PPHLN1: variants seen among roughly 807,000 people sequenced by gnomAD.
The protein encoded by PPHLN1 is periphilin-1.
A neutral mutation model predicts 51.3 loss-of-function variants in PPHLN1; 29 were observed. The ratio of observed to expected loss-of-function variants is 0.57; its 90% CI spans 0.42 to 0.77. The LOEUF (loss-of-function observed/expected upper bound fraction) is 0.77, where lower values mean the gene tolerates loss of function less well. PPHLN1 is among the 30% of genes least tolerant of loss of function. The probability of loss-of-function intolerance (pLI) is 0.00; values close to 1 mark genes in which losing one functional copy is unlikely to be tolerated. For missense variants in PPHLN1, 436 were observed against 438.4 expected, an observed-to-expected ratio of 0.99 and a Z score of 0.05; for synonymous variants, 147 against 147.8, an observed-to-expected ratio of 0.99 and a Z score of 0.04.
intron 9 of PPHLN1, among the ~76,000 whole-genome samples, chr12:42,436,489 T>C (rs1399132594): frequency 2.0e-5 from 3 of 152,252 alleles, no homozygotes; most frequent in African/African-American, 7.2e-5. Context: ...GGTTGTCTCA[T>C]GAGTGCCTCA....
At chr12:42,398,137 G>T (rs1054087517) in intron 8 of PPHLN1, among the ~76,000 whole-genome samples, 1 of 152,068 alleles carries the variant, frequency 6.6e-6, no homozygotes, top group African/African-American at 2.4e-5. Context: ...GACAGTCTAT[G>T]CATATATGTA....
intron 1 of PPHLN1, among the ~76,000 whole-genome samples, chr12:42,333,768 C>T (rs575955352): frequency 8.5e-5 from 13 of 152,316 alleles, no homozygotes; most frequent in Admixed American, 4.6e-4. Flanking sequence ...AAGCGTGAGC[C>T]GCTGCGCCCG....
At chr12:42,376,403 T>G (rs2076267320) in intron 5 of PPHLN1, among the ~76,000 whole-genome samples, 1 of 152,210 alleles carries the variant, frequency 6.6e-6, no homozygotes, top group Non-Finnish European at 1.5e-5. Flanking sequence ...TTTGCAGAGA[T>G]AGATAGAGTG....
At chr12:42,424,250 C>T (rs987618960) in intron 9 of PPHLN1, among the ~76,000 whole-genome samples, 12 of 152,128 alleles carry the variant, frequency 7.9e-5, no homozygotes, top group Admixed American at 7.9e-4. Flanking sequence ...CATTATAAAA[C>T]CCACTCAAAC....
chr12:42,431,528 T>C (rs1181913589), intron 9 of PPHLN1: 4 of 558,686 alleles, frequency 7.2e-6, no homozygotes, highest in African/African-American at 1.9e-5. Context: ...TCAGGATCCC[T>C]CCCCTTTTTG....
intron 2 of PPHLN1, among the ~76,000 whole-genome samples, chr12:42,336,788 C>T (rs1349462929): frequency 6.6e-6 from 1 of 152,142 alleles, no homozygotes; most frequent in Admixed American, 6.5e-5. Context: ...CCATTCTAAG[C>T]ACCAAGGGAC....
intron 4 of PPHLN1, among the ~76,000 whole-genome samples, chr12:42,357,505 G>A (rs908367805): frequency 2.6e-5 from 4 of 152,062 alleles, no homozygotes; most frequent in African/African-American, 9.7e-5. Context: ...CAAATCCAAT[G>A]GAGAAAGAAT....
In PPHLN1 at chr12:42,351,958, A is replaced by G. The variant is rs140659779; in HGVS notation, c.146A>G (p.Tyr49Cys). ...CTAGACAGACCTGGTGAAGGAAGCT[A>G]CAATAGATATTACAGTCATGTTGAT... ...PLLDRPGEGS[Y>C]NRYYSHVDYR... The change falls in exon 3 of 10, where the codon TAC becomes TGC. Residue 49 changes from tyrosine (Y) to cysteine (C), a missense_variant. Tyr to Cys is a radical substitution (Grantham distance 194). Coordinates refer to ENST00000358314, the MANE Select transcript of PPHLN1 (RefSeq NM_201439.2). The G allele has an allele frequency of 9.5e-6, 15 of 1,586,910 alleles. No homozygotes were observed. In the African/African-American group the frequency reaches 9.6e-5, roughly 10 times the overall value.
intron 9 of PPHLN1, among the ~76,000 whole-genome samples, chr12:42,417,610 C>CA (rs1427217813): frequency 2.0e-5 from 3 of 151,972 alleles, no homozygotes; most frequent in African/African-American, 7.3e-5. Context: ...CGTAGAAAGG[C>CA]AAACCGGATT....
intron 4 of PPHLN1, among the ~76,000 whole-genome samples, chr12:42,373,416 G>A (rs955958076): frequency 3.3e-5 from 5 of 152,112 alleles, no homozygotes; most frequent in Admixed American, 6.6e-5. Context: ...TGTCTGAAGG[G>A]ACAATATATT....
intron 9 of PPHLN1, among the ~76,000 whole-genome samples, chr12:42,414,703 A>T (rs1053920422): frequency 1.3e-5 from 2 of 152,150 alleles, no homozygotes; most frequent in Non-Finnish European, 2.9e-5. Context: ...TTTTCTAGGT[A>T]TATAGTCATC....
chr12:42,412,173 C>T (rs186841399), intron 9 of PPHLN1, among the ~76,000 whole-genome samples: 1 of 152,230 alleles, frequency 6.6e-6, no homozygotes, highest in East Asian at 1.9e-4. Context: ...CCACTGCACT[C>T]CAGCCTGGGC....
At chr12:42,366,571 CAG>C (rs2075297476) in intron 4 of PPHLN1, among the ~76,000 whole-genome samples, 1 of 150,550 alleles carries the variant, frequency 6.6e-6, no homozygotes, top group Non-Finnish European at 1.5e-5. Flanking sequence ...TTTTTTGAGA[CAG>C]GGTTTCCCTG....
At chr12:42,374,612 T>TTC (rs1222717248) in intron 4 of PPHLN1, 1 of 242,680 alleles carries the variant, frequency 4.1e-6, no homozygotes, top group African/African-American at 2.5e-5. Context: ...AGCTAATTTT[T>TTC]TTTTTTTTTT....
At chr12:42,396,901 A>G (rs1309991260) in intron 8 of PPHLN1, among the ~76,000 whole-genome samples, 1 of 151,252 alleles carries the variant, frequency 6.6e-6, no homozygotes, top group East Asian at 1.9e-4. Context: ...TTAGCTGGGC[A>G]TGGTGGCATG....
At chr12:42,354,216 A>T (rs2073775165) in intron 3 of PPHLN1, among the ~76,000 whole-genome samples, 1 of 152,070 alleles carries the variant, frequency 6.6e-6, no homozygotes, top group African/African-American at 2.4e-5. Context: ...TTCTATGTAT[A>T]ATTTTATTTA....
chr12:42,374,874 A>G lies in PPHLN1; in HGVS notation c.311A>G (p.Asp104Gly), dbSNP rs1173920687. ...SRQPEYRDMR[D>G]GFRRKSFYSS... The stretch of plus-strand genomic sequence containing the variant: ...TTTTTTTTTCAAAGGGACATGAGAG[A>G]TGGCTTTAGAAGAAAAAGTTTCTAC... Residue 104 changes from aspartate to glycine, a missense_variant, in exon 5 of 10, where the codon GAT becomes GGT. Coordinates refer to ENST00000358314, the MANE Select transcript of PPHLN1 (RefSeq NM_201439.2). 6.2e-7 allele frequency: 1 copy of G among 1,606,322 alleles called. No homozygotes were observed. The highest frequency in any genetic ancestry group is 1.7e-5 in the Admixed American group (1 of 58,896).
At chr12:42,425,879 G>T (rs142545296) in intron 9 of PPHLN1, among the ~76,000 whole-genome samples, 100 of 152,296 alleles carry the variant, frequency 6.6e-4, no homozygotes, top group African/African-American at 2.3e-3. Context: ...ATAGTAGAGT[G>T]AATGTGCCTG....
downstream of PPHLN1, chr12:42,443,370 TAAGAAA>T (rs1268201728): frequency 2.0e-5 from 3 of 152,170 alleles, no homozygotes; most frequent in Admixed American, 1.3e-4. Flanking sequence ...TATAAAGAGA[TAAGAAA>T]AAGCATTAGA....
Sources: gnomAD v4.1 joint callset for allele counts (sites outside exome capture counted in the v4.1 genomes callset) on GRCh38, gnomAD v4.1.1 for gene constraint, MANE v1.5 for transcripts, NCBI Gene and HGNC (gene_info 2026-07-23, HGNC 2026-07-21) for gene names.